The following CAPRIN2 variants were observed in gnomAD, a reference collection of about 807,000 sequenced individuals.
CAPRIN2 encodes caprin-2.
In CAPRIN2, 66 loss-of-function variants were observed where a neutral mutation model predicts 130.4. The ratio of observed to expected loss-of-function variants is 0.51; its 90% CI spans 0.42 to 0.62. The LOEUF (loss-of-function observed/expected upper bound fraction) is 0.62. Among genes scored for constraint, CAPRIN2 ranks in the 20% least tolerant of loss-of-function variants. The probability of loss-of-function intolerance (pLI) is 0.00; values close to 1 mark genes in which losing one functional copy is unlikely to be tolerated. For missense variants in CAPRIN2, 1,185 were observed against 1,246.6 expected, an observed-to-expected ratio of 0.95 and a Z score of 0.74; for synonymous variants, 471 against 444.1, an observed-to-expected ratio of 1.06 and a Z score of -0.76.
intron 14 of CAPRIN2, among the ~76,000 whole-genome samples, chr12:30,714,305 C>T (rs2136469726): frequency 6.6e-6 from 1 of 152,286 alleles, no homozygotes; most frequent in Admixed American, 6.5e-5. Context: ...GTTCAGCCTC[C>T]CAAGTAGCTG....
intron 12 of CAPRIN2, 44 bp from the exon 15 acceptor site, chr12:30,716,720 GA>G: frequency 1.3e-6 from 2 of 1,583,240 alleles, no homozygotes; most frequent in Non-Finnish European, 1.7e-6. Flanking sequence ...AAGTTTCAAA[GA>G]AAATGCTTAA....
At chr12:30,725,424 A>G (rs1407005892) in intron 9 of CAPRIN2, among the ~76,000 whole-genome samples, 1 of 152,224 alleles carries the variant, frequency 6.6e-6, no homozygotes, top group African/African-American at 2.4e-5. Context: ...ATCTTTTACT[A>G]AACAAAAATA....
chr12:30,710,631 G>A lies in CAPRIN2; in HGVS notation c.2666-161C>T. On this transcript the variant is annotated intron_variant, in intron 16 of 16. Coordinates refer to ENST00000298892, the Ensembl canonical transcript of CAPRIN2. This position sits in a 1 kb window ranked among gnomAD's most constrained non-coding sequence, Gnocchi z 4.8. ...GATTATACTTTTCTAGATTTTTCTG[G>A]TAATAGGTTTTTACATACTCTTCTA... 1.8e-6 allele frequency: 2 copies of A among 1,127,938 alleles called. No individual in the cohort carries two copies. Among genetic ancestry groups the A allele is most frequent in the South Asian group, 1.7e-5 (1 of 59,806 alleles). The allele number at this position is 1,127,938 out of a possible 1,614,324, so 69.9% of individuals were successfully genotyped here.
Position 30,746,217 on chromosome 12 carries a change from G to T in CAPRIN2, c.483+4854C>A, listed in dbSNP as rs535381945. Among the ~76,000 whole-genome samples the T allele has an allele frequency of 1.9e-4, 29 of 152,316 alleles. No homozygotes were observed. In the South Asian group the frequency reaches 3.7e-3, roughly 20 times the overall value. On this transcript the variant is annotated intron_variant, in intron 2 of 16. Coordinates refer to ENST00000298892, the Ensembl canonical transcript of CAPRIN2. ...AAAGTATTCTGTATGATATTACAATGGTGGATACATTTGCATTCAACAAAA... is the reference window on the plus strand; with the variant it reads ...AAAGTATTCTGTATGATATTACAATTGTGGATACATTTGCATTCAACAAAA...
At chr12:30,727,327 A>G (rs898522193) in intron 8 of CAPRIN2, among the ~76,000 whole-genome samples, 3 of 152,200 alleles carry the variant, frequency 2.0e-5, no homozygotes, top group Non-Finnish European at 4.4e-5. Context: ...AGGAGAGCAA[A>G]ATAGCCAAAT....
chr12:30,741,387 G>A (rs2067352110), intron 2 of CAPRIN2, among the ~76,000 whole-genome samples: 1 of 152,226 alleles, frequency 6.6e-6, no homozygotes, highest in South Asian at 2.1e-4. Context: ...AGAAAGGCCT[G>A]TTGGTTTTAA....
chr12:30,721,437 A>C (rs2059378052), intron 11 of CAPRIN2, among the ~76,000 whole-genome samples: 2 of 152,256 alleles, frequency 1.3e-5, no homozygotes, highest in Non-Finnish European at 2.9e-5. Flanking sequence ...AGCTCTACAT[A>C]AATCAGAATG....
At chr12:30,714,893 T>G (rs2056907154) in intron 14 of CAPRIN2, 66 bp downstream of exon 16, 17 of 1,310,870 alleles carry the variant, frequency 1.3e-5, no homozygotes, top group Non-Finnish European at 1.8e-5. Flanking sequence ...TAGGTAAAAA[T>G]GGTGTGAGTC....
At chr12:30,716,865 G>A (rs2057745203) in intron 12 of CAPRIN2, among the ~76,000 whole-genome samples, 189 bp from the exon 15 acceptor site, 1 of 152,116 alleles carries the variant, frequency 6.6e-6, no homozygotes, top group Non-Finnish European at 1.5e-5. Context: ...AGTCATTAGG[G>A]AAATGTAAAT....
chr12:30,753,861 C>T, exon 1 of CAPRIN2: 1 of 1,246,088 alleles, frequency 8.0e-7, no homozygotes, highest in Non-Finnish European at 1.1e-6. Context: ...ATTCGATTTT[C>T]CACATAGGGA....
Position 30,720,982 on chromosome 12 carries a change from T to TG in CAPRIN2, c.2044-68dup, listed in dbSNP as rs925216167. On this transcript the variant is annotated intron_variant, in intron 11 of 16. Coordinates refer to ENST00000298892, the Ensembl canonical transcript of CAPRIN2. Reference sequence around the variant, plus strand: ...TGTTCACTTTATATTTCTTGGGCCCTGGCCTTCCTAATATGTTACTCTTAC... The same window carrying TG: ...TGTTCACTTTATATTTCTTGGGCCCTGGGCCTTCCTAATATGTTACTCTTAC... 18 of 1,112,434 alleles carry TG rather than the reference T, an allele frequency of 1.6e-5. No homozygotes were observed. In the African/African-American group the frequency reaches 2.5e-4, roughly 15 times the overall value. 68.9% of individuals were successfully genotyped at this position (1,112,434 alleles called of 1,614,324 possible).
intron 10 of CAPRIN2, among the ~76,000 whole-genome samples, chr12:30,723,778 T>C (rs2060103018): frequency 6.6e-6 from 1 of 152,220 alleles, no homozygotes; most frequent in Non-Finnish European, 1.5e-5. Flanking sequence ...CTTGTTAATA[T>C]CCATCACTTT....
rs953620369 is a variant in CAPRIN2, at chr12:30,711,923, G to C, written c.2602-294C>G. On this transcript the variant is annotated intron_variant, in intron 15 of 16. Coordinates refer to ENST00000298892, the Ensembl canonical transcript of CAPRIN2. ...TAAAAGATACAATGCTAGGTAATGA[G>C]AGAAATTTTTAAATGTGGCATGGTC... 2.6e-5 allele frequency: 13 copies of C among 506,166 alleles called. No individual in the cohort carries two copies. In the Admixed American group the frequency reaches 3.0e-4, roughly 12 times the overall value. The allele number at this position is 506,166 out of a possible 1,614,324, so 31.4% of individuals were successfully genotyped here. A position where few individuals can be genotyped will look rare whatever the true frequency, so the allele number is the denominator to read the frequency against.
intron 13 of CAPRIN2, chr12:30,715,674 T>A (rs2057310448): frequency 8.4e-6 from 2 of 238,882 alleles, no homozygotes; most frequent in Non-Finnish European, 1.7e-5. Context: ...ATTTTTATGT[T>A]ATGTATACTT....
chr12:30,743,232 C>A (rs888144235), intron 2 of CAPRIN2, among the ~76,000 whole-genome samples: 26 of 150,946 alleles, frequency 1.7e-4, no homozygotes, highest in Non-Finnish European at 2.7e-4. Context: ...GAGCTGCTCC[C>A]TCTCTATTGA....
rs2053792226 is a variant in CAPRIN2, at chr12:30,710,097, G to A, written c.3039C>T (p.Asn1013=). ...CCAAGACCTCTTCATTCTTCATGAGGTTGACATACAGTGGCACATTCACTG... is the reference window on the plus strand; with the variant it reads ...CCAAGACCTCTTCATTCTTCATGAGATTGACATACAGTGGCACATTCACTG... Residue 1013 remains asparagine (N), a synonymous_variant, in exon 17 of 17, where the codon AAC becomes AAT. Coordinates refer to ENST00000298892, the Ensembl canonical transcript of CAPRIN2. This position sits in a 1 kb window ranked among gnomAD's most constrained non-coding sequence, Gnocchi z 4.8. 6.2e-7 allele frequency: 1 copy of A among 1,613,968 alleles called. No individual in the cohort carries two copies. Among genetic ancestry groups the A allele is most frequent in the Admixed American group, 1.7e-5 (1 of 59,980 alleles).
chr12:30,720,729 TA>T (rs2137017990), intron 12 of CAPRIN2, 81 bp downstream of exon 13: 4 of 802,894 alleles, frequency 5.0e-6, no homozygotes, highest in South Asian at 4.4e-5. Flanking sequence ...ATCATTCAAC[TA>T]ATCATGCCTG....
intron 1 of CAPRIN2, chr12:30,751,655 G>C (rs575331341): frequency 1.3e-5 from 2 of 156,944 alleles, no homozygotes; most frequent in African/African-American, 4.8e-5. Context: ...AAATGTCAGT[G>C]GTGTAGAGGT....
intron 14 of CAPRIN2, among the ~76,000 whole-genome samples, chr12:30,714,569 C>G (rs775229323): frequency 1.4e-5 from 2 of 145,594 alleles, no homozygotes; most frequent in Non-Finnish European, 3.1e-5. Context: ...CTATTATAGT[C>G]TCAAATTCTA....
Sources: gnomAD v4.1 joint callset for allele counts (sites outside exome capture counted in the v4.1 genomes callset) on GRCh38, gnomAD v4.1.1 for gene constraint, Gnocchi (gnomAD v3.1) non-coding constraint, MANE v1.5 for transcripts, NCBI Gene and HGNC (gene_info 2026-07-23, HGNC 2026-07-21) for gene names.